TRIB2: variants seen among roughly 807,000 people sequenced by gnomAD.
TRIB2 encodes the protein tribbles pseudokinase 2, also known as tribbles homolog 2.
TRIB2 carries 2 observed loss-of-function variants against 26.8 expected under a neutral mutation model. The ratio of observed to expected loss-of-function variants is 0.07; its 90% CI spans 0.03 to 0.24. TRIB2 has a LOEUF of 0.24. TRIB2 is among the 10% of genes least tolerant of loss of function. TRIB2 has a pLI of 1.00. For synonymous variants in TRIB2, 189 were observed against 187.3 expected (o/e 1.01, Z -0.08); for missense variants, 306 against 449.0 (o/e 0.68, Z 2.88).
At chr2:12,731,045 C>G (rs937693578) in intron 2 of TRIB2, among the ~76,000 whole-genome samples, 1 of 152,186 alleles carries the variant, frequency 6.6e-6, no homozygotes, top group Non-Finnish European at 1.5e-5. Context: ...TCCTACGGTG[C>G]TAGGTGTTGA....
chr2:12,738,223 G>A (rs1661626650), intron 2 of TRIB2, among the ~76,000 whole-genome samples: 1 of 152,124 alleles, frequency 6.6e-6, no homozygotes, highest in Non-Finnish European at 1.5e-5. Flanking sequence ...ACGCTGAAAG[G>A]CTAAGACCTT....
chr2:12,742,176 TA>T lies in TRIB2; in HGVS notation c.*1383del, dbSNP rs1293249005. On this transcript the variant is annotated 3_prime_UTR_variant, in exon 3 of 3. Transcript: ENST00000155926. ...TGATTTCGAGTGGCAAAATGTTTTT[TA>T]TTACGGCTTTTCTATTGCTGTATGA... 11 of 152,706 alleles carry T rather than the reference TA, an allele frequency of 7.2e-5. No homozygotes were observed. Among genetic ancestry groups the T allele is most frequent in the Admixed American group, 6.5e-4 (10 of 15,292 alleles). 9.5% of individuals were successfully genotyped at this position (152,706 alleles called of 1,614,324 possible).
intron 2 of TRIB2, among the ~76,000 whole-genome samples, chr2:12,739,601 A>G (rs1200004956): frequency 6.6e-6 from 1 of 152,180 alleles, no homozygotes; most frequent in African/African-American, 2.4e-5. Context: ...AGGTGATAGG[A>G]GTCCACTCCT....
chr2:12,737,941 C>T (rs1327475734), intron 2 of TRIB2, among the ~76,000 whole-genome samples: 1 of 152,154 alleles, frequency 6.6e-6, no homozygotes, highest in Non-Finnish European at 1.5e-5. Flanking sequence ...AGCCACACAG[C>T]AGGTGAGAGA....
At chr2:12,737,026 T>A (rs191419375) in intron 2 of TRIB2, among the ~76,000 whole-genome samples, 148 of 152,082 alleles carry the variant, frequency 9.7e-4, no homozygotes, top group African/African-American at 3.4e-3. Context: ...GGGGCCAAGC[T>A]GGGCATGTGA....
At chr2:12,727,288 G>T (rs1236546649) in intron 2 of TRIB2, among the ~76,000 whole-genome samples, 1 of 152,110 alleles carries the variant, frequency 6.6e-6, no homozygotes, top group African/African-American at 2.4e-5. Context: ...CTCATGAAGG[G>T]ACAGCTGTTC....
intron 2 of TRIB2, among the ~76,000 whole-genome samples, chr2:12,736,845 G>A (rs952945666): frequency 2.0e-5 from 3 of 152,204 alleles, no homozygotes; most frequent in Admixed American, 2.0e-4. Context: ...GTAAATGTAC[G>A]ATATCTCCCA....
At chr2:12,736,100 G>A (rs767148777) in intron 2 of TRIB2, among the ~76,000 whole-genome samples, 64 of 152,106 alleles carry the variant, frequency 4.2e-4, no homozygotes, top group Non-Finnish European at 7.1e-4. Context: ...TGAATGTGGG[G>A]ACACCTGGGG....
At chr2:12,734,685 T>C (rs1431747544) in intron 2 of TRIB2, among the ~76,000 whole-genome samples, 1 of 152,210 alleles carries the variant, frequency 6.6e-6, no homozygotes, top group Non-Finnish European at 1.5e-5. Context: ...AGGTGGGTGT[T>C]ACTTGTCATG....
intron 2 of TRIB2, among the ~76,000 whole-genome samples, chr2:12,724,190 T>A (rs1661287432): frequency 6.6e-6 from 1 of 152,172 alleles, no homozygotes; most frequent in Admixed American, 6.5e-5. Flanking sequence ...GAAAGATGAC[T>A]GGATTTCAGG....
Position 12,723,409 on chromosome 2 carries a change from C to T in TRIB2, c.420C>T (p.Phe140=), listed in dbSNP as rs368336131. 1.4e-5 allele frequency: 22 copies of T among 1,614,116 alleles called. No individual in the cohort carries two copies. Among genetic ancestry groups the T allele is most frequent in the East Asian group, 4.5e-5 (2 of 44,894 alleles). ...FERSYGDMHS[F]VRTCKKLREE... ...GAAGCTATGGGGACATGCATTCCTTCGTCCGCACCTGCAAGAAGCTGAGAG... is the reference window on the plus strand; with the variant it reads ...GAAGCTATGGGGACATGCATTCCTTTGTCCGCACCTGCAAGAAGCTGAGAG... Residue 140 remains phenylalanine, a synonymous_variant, in exon 2 of 3, where the codon TTC becomes TTT. Transcript: ENST00000155926.
At chr2:12,738,519 G>A (rs1434453454) in intron 2 of TRIB2, among the ~76,000 whole-genome samples, 1 of 152,144 alleles carries the variant, frequency 6.6e-6, no homozygotes, top group African/African-American at 2.4e-5. Context: ...CCAGGGGTGT[G>A]ATGATGGGAT....
At chr2:12,738,598 G>A (rs969327918) in intron 2 of TRIB2, among the ~76,000 whole-genome samples, 5 of 152,298 alleles carry the variant, frequency 3.3e-5, no homozygotes, top group Middle Eastern at 3.4e-3. Context: ...AGCCAGGAGA[G>A]TCAGAGGAAG....
intron 2 of TRIB2, among the ~76,000 whole-genome samples, chr2:12,734,161 T>G (rs1452638136): frequency 6.6e-6 from 1 of 152,212 alleles, no homozygotes; most frequent in East Asian, 1.9e-4. Flanking sequence ...AAACCAATCC[T>G]GCCCCAGGCT....
At position 12,732,037 on chromosome 2, in the gene TRIB2, T is replaced by G. The variant is rs1661469690; in HGVS notation, c.564-8289T>G. On this transcript the variant is annotated intron_variant, in intron 2 of 2. Transcript: ENST00000155926. This position sits in a 1 kb window ranked among gnomAD's most constrained non-coding sequence, Gnocchi z 4.2. ...CATTGATGAGGAATTCCTGTCAGCATGGCTTCCTCTTTCTTGGGTTTCCCT... is the reference window on the plus strand; with the variant it reads ...CATTGATGAGGAATTCCTGTCAGCAGGGCTTCCTCTTTCTTGGGTTTCCCT... 6.6e-6 allele frequency among the ~76,000 whole-genome samples: 1 copy of G among 152,236 alleles called. No homozygotes were observed. Among genetic ancestry groups the G allele is most frequent in the Admixed American group, 6.5e-5 (1 of 15,288 alleles).
rs988819517 is a variant in TRIB2, at chr2:12,717,533, A to G, written c.-775A>G. On this transcript the variant is annotated 5_prime_UTR_variant, in exon 1 of 3. Transcript: ENST00000155926. This position sits in a 1 kb window ranked among gnomAD's most constrained non-coding sequence, Gnocchi z 4.8. Reference sequence around the variant, plus strand: ...GTACCTGCGCCCAGCCCGCGCCGCAACTCTGTGCCCAGCTTTTGCAATCTT... The same window carrying G: ...GTACCTGCGCCCAGCCCGCGCCGCAGCTCTGTGCCCAGCTTTTGCAATCTT... 2.5e-6 allele frequency: 1 copy of G among 398,142 alleles called. No homozygotes were observed. The highest frequency in any genetic ancestry group is 2.1e-5 in the African/African-American group (1 of 48,596). The allele number at this position is 398,142 out of a possible 1,614,324, so 24.7% of individuals were successfully genotyped here.
At chr2:12,738,675 A>C (rs887904517) in intron 2 of TRIB2, among the ~76,000 whole-genome samples, 15 of 151,980 alleles carry the variant, frequency 9.9e-5, no homozygotes, top group African/African-American at 3.4e-4. Context: ...TAGGGCAGGA[A>C]AACAGGAATT....
At chr2:12,721,268 T>C (rs1410653495) in intron 1 of TRIB2, among the ~76,000 whole-genome samples, 1 of 152,212 alleles carries the variant, frequency 6.6e-6, no homozygotes, top group Non-Finnish European at 1.5e-5. Context: ...AAATTCTGTC[T>C]CCAGTTTTTC....
At chr2:12,728,408 C>T (rs1015474130) in intron 2 of TRIB2, among the ~76,000 whole-genome samples, 2 of 152,178 alleles carry the variant, frequency 1.3e-5, no homozygotes, top group African/African-American at 4.8e-5. Flanking sequence ...GCAGGTGCAC[C>T]CTTATGCTGC....
Sources: allele counts gnomAD v4.1 joint callset (sites outside exome capture counted in the v4.1 genomes callset), GRCh38; gene constraint gnomAD v4.1.1; non-coding constraint Gnocchi (gnomAD v3.1); transcripts MANE v1.5; gene names NCBI Gene and HGNC (gene_info 2026-07-23, HGNC 2026-07-21).